Variants in SUCLG2 observed in about 807,000 individuals in gnomAD.
The protein encoded by SUCLG2 is succinate--CoA ligase [GDP-forming] subunit beta, mitochondrial.
SUCLG2 carries 42 observed loss-of-function variants against 47.9 expected under a neutral mutation model. The observed-to-expected ratio is 0.88, with a 90% CI of 0.69 to 1.14. SUCLG2 has a LOEUF of 1.14. SUCLG2 is among the 50% of genes most tolerant of loss of function. The pLI is 0.00. For synonymous variants in SUCLG2, 195 were observed against 197.3 expected (o/e 0.99, Z 0.10); for missense variants, 571 against 525.9 (o/e 1.09, Z -0.84).
chr3:67,528,168 T>C lies in SUCLG2; in HGVS notation c.381A>G (p.Thr127=). The C allele has an allele frequency of 6.2e-7, 1 of 1,613,990 alleles. No homozygotes were observed. Among genetic ancestry groups the C allele is most frequent in the Non-Finnish European group, 8.5e-7 (1 of 1,179,900 alleles). ...TCACACCTTCTTTTGGAGTTTGTTT[T>C]GTCGCTAGATTGTACCCAATCATCT... The part of the protein sequence containing the change: ...AKQMIGYNLA[T]KQTPKEGVKV... The change falls in exon 4 of 11, where the codon ACA becomes ACG. Residue 127 remains threonine (T), a synonymous_variant. Coordinates refer to ENST00000307227, the MANE Select transcript of SUCLG2 (RefSeq NM_003848.4).
At chr3:67,633,295 T>C (rs1395517211) in intron 1 of SUCLG2, among the ~76,000 whole-genome samples, 1 of 152,236 alleles carries the variant, frequency 6.6e-6, no homozygotes, top group East Asian at 1.9e-4. Context: ...TAGCAAAATG[T>C]ATCCATTAAA....
intron 9 of SUCLG2, among the ~76,000 whole-genome samples, chr3:67,486,725 A>G (rs1705064521): frequency 6.6e-6 from 1 of 152,218 alleles, no homozygotes; most frequent in Non-Finnish European, 1.5e-5. Context: ...TTGGGGGCCA[A>G]CAGTGAAATC....
intron 9 of SUCLG2, among the ~76,000 whole-genome samples, chr3:67,492,260 CAA>C (rs1272287586): frequency 6.6e-6 from 1 of 152,268 alleles, no homozygotes; most frequent in East Asian, 1.9e-4. Flanking sequence ...AGATTCGTGC[CAA>C]GTGTCCTTTC....
chr3:67,638,275 A>G (rs1353790216), intron 1 of SUCLG2, among the ~76,000 whole-genome samples: 1 of 152,238 alleles, frequency 6.6e-6, no homozygotes, highest in Non-Finnish European at 1.5e-5. Flanking sequence ...AGTGTCAAAG[A>G]GAAAATGCCA....
intron 1 of SUCLG2, among the ~76,000 whole-genome samples, chr3:67,628,840 T>C: frequency 6.6e-6 from 1 of 152,186 alleles, no homozygotes; most frequent in Non-Finnish European, 1.5e-5. Flanking sequence ...ATCTCTTTAT[T>C]TGCAGTGTGA....
At chr3:67,409,348 G>T (rs1702885343) in intron 9 of SUCLG2, among the ~76,000 whole-genome samples, 1 of 152,000 alleles carries the variant, frequency 6.6e-6, no homozygotes, top group Admixed American at 6.6e-5. Context: ...ATTATTCTTT[G>T]AAATTATGGC....
chr3:67,497,190 TG>T (rs542041863), intron 8 of SUCLG2, among the ~76,000 whole-genome samples: 3 of 152,192 alleles, frequency 2.0e-5, no homozygotes, highest in African/African-American at 4.8e-5. Context: ...CACTTGTAAT[TG>T]GATGTCATTT....
intron 10 of SUCLG2, among the ~76,000 whole-genome samples, chr3:67,384,055 C>T (rs980829827): frequency 4.6e-5 from 7 of 152,066 alleles, no homozygotes; most frequent in South Asian, 2.1e-4. Context: ...AGACTTTTGT[C>T]GAAAATGCTG....
intron 6 of SUCLG2, chr3:67,514,365 C>A: frequency 3.1e-6 from 1 of 320,276 alleles, no homozygotes; most frequent in Non-Finnish European, 6.5e-6. Context: ...TGAAATAAAT[C>A]GTCTATTAAT....
intron 8 of SUCLG2, among the ~76,000 whole-genome samples, chr3:67,497,339 T>C (rs905231162): frequency 2.6e-5 from 4 of 152,172 alleles, no homozygotes; most frequent in African/African-American, 7.2e-5. Flanking sequence ...GTACAATGAA[T>C]TGATTCTACC....
chr3:67,563,227 G>A (rs1575780830), intron 2 of SUCLG2, among the ~76,000 whole-genome samples: 1 of 151,926 alleles, frequency 6.6e-6, no homozygotes, highest in East Asian at 1.9e-4. Context: ...GCCAGAAATC[G>A]CTATATTAGA....
At chr3:67,622,299 T>A (rs1700749269) in intron 1 of SUCLG2, among the ~76,000 whole-genome samples, 1 of 152,112 alleles carries the variant, frequency 6.6e-6, no homozygotes, top group Non-Finnish European at 1.5e-5. Context: ...CACACTTAAA[T>A]AGAAAATAAT....
At chr3:67,496,393 A>G (rs1019524113) in intron 8 of SUCLG2, among the ~76,000 whole-genome samples, 5 of 152,164 alleles carry the variant, frequency 3.3e-5, no homozygotes, top group African/African-American at 1.2e-4. Context: ...GGAATTCTCA[A>G]TGTTTTGTTT....
Position 67,550,077 on chromosome 3 carries a change from T to A in SUCLG2, c.227-20891A>T, listed in dbSNP as rs146339530. 6.6e-4 allele frequency among the ~76,000 whole-genome samples: 101 copies of A among 152,344 alleles called. 2 individuals carry two copies. Among genetic ancestry groups the A allele is most frequent in the African/African-American group, 2.3e-3 (95 of 41,582 alleles). ...AACGGGCAAAATTGACACTTCTGAA[T>A]TCAGCTGCTAATCCTCTGATTGAAC... On this transcript the variant is annotated intron_variant, in intron 2 of 10. Coordinates refer to ENST00000307227, the MANE Select transcript of SUCLG2 (RefSeq NM_003848.4).
chr3:67,376,766 G>T (rs928884000), intron 10 of SUCLG2, among the ~76,000 whole-genome samples: 6 of 152,162 alleles, frequency 3.9e-5, no homozygotes, highest in African/African-American at 1.4e-4. Context: ...ATTCCCCTGG[G>T]ACCCTGGGTC....
intron 10 of SUCLG2, among the ~76,000 whole-genome samples, chr3:67,384,924 G>C (rs965243248): frequency 1.3e-5 from 2 of 152,210 alleles, no homozygotes; most frequent in Non-Finnish European, 2.9e-5. Context: ...CATTTCTCAT[G>C]AAGTCTTTCC....
At chr3:67,392,906 C>A (rs112434214) in intron 10 of SUCLG2, among the ~76,000 whole-genome samples, 1 of 152,054 alleles carries the variant, frequency 6.6e-6, no homozygotes, top group Admixed American at 6.5e-5. Context: ...CCTTGAACTC[C>A]TGGGCTCAAA....
At chr3:67,561,974 TTA>T (rs1707319217) in intron 2 of SUCLG2, among the ~76,000 whole-genome samples, 1 of 152,188 alleles carries the variant, frequency 6.6e-6, no homozygotes, top group Non-Finnish European at 1.5e-5. Flanking sequence ...TATCAGTCAC[TTA>T]TCCATGAAGC....
At chr3:67,596,618 C>G (rs1195390023) in intron 2 of SUCLG2, among the ~76,000 whole-genome samples, 1 of 152,186 alleles carries the variant, frequency 6.6e-6, no homozygotes, top group Non-Finnish European at 1.5e-5. Flanking sequence ...CTCTACCAAG[C>G]AGTGAACGTC....
Sources: allele counts gnomAD v4.1 joint callset (sites outside exome capture counted in the v4.1 genomes callset), GRCh38; gene constraint gnomAD v4.1.1; transcripts MANE v1.5; gene names NCBI Gene and HGNC (gene_info 2026-07-23, HGNC 2026-07-21).